ELF1: variants seen among roughly 807,000 people sequenced by gnomAD.
ELF1 encodes ETS-related transcription factor Elf-1.
Under a neutral mutation model 59.9 loss-of-function variants are expected in ELF1, and 24 were observed. The observed-to-expected ratio is 0.40, with a 90% CI of 0.29 to 0.56. The LOEUF (loss-of-function observed/expected upper bound fraction) is 0.56. ELF1 is among the 20% of genes least tolerant of loss of function. ELF1 has a pLI of 0.44. For synonymous variants in ELF1, 248 were observed against 266.2 expected, an observed-to-expected ratio of 0.93 and a Z score of 0.67; for missense variants, 627 against 742.2, an observed-to-expected ratio of 0.84 and a Z score of 1.80.
intron 5 of ELF1, among the ~76,000 whole-genome samples, chr13:40,945,830 T>C (rs1401717026): frequency 6.6e-6 from 1 of 152,220 alleles, no homozygotes; most frequent in African/African-American, 2.4e-5. Flanking sequence ...CCACACATGA[T>C]GTTTTCAATT....
intron 1 of ELF1, among the ~76,000 whole-genome samples, chr13:40,986,929 T>C (rs1873576680): frequency 9.8e-6 from 1 of 102,166 alleles, no homozygotes; most frequent in Non-Finnish European, 1.9e-5. Context: ...TTTTAGAAAA[T>C]CATTGCTCTT....
chr13:40,942,299 C>T (rs1354050224), intron 7 of ELF1, among the ~76,000 whole-genome samples: 1 of 152,114 alleles, frequency 6.6e-6, no homozygotes, highest in East Asian at 1.9e-4. Context: ...ATCTGTCTAT[C>T]CCCTAAAAGT....
chr13:41,034,942 T>A (rs144708832), intron 1 of ELF1, among the ~76,000 whole-genome samples: 2,437 of 152,348 alleles, frequency 0.016, 24 homozygotes, highest in Middle Eastern at 0.027. Context: ...TCTGAACTTG[T>A]TAGTTCAGAG....
intron 1 of ELF1, among the ~76,000 whole-genome samples, chr13:40,996,085 C>CA (rs1874113186): frequency 6.6e-6 from 1 of 152,156 alleles, no homozygotes; most frequent in Admixed American, 6.5e-5. Flanking sequence ...CACCATATGT[C>CA]ACTGGGGAAA....
intron 2 of ELF1, among the ~76,000 whole-genome samples, chr13:40,964,824 C>G (rs922957718): frequency 6.6e-6 from 1 of 152,050 alleles, no homozygotes; most frequent in Admixed American, 6.5e-5. Context: ...TGTGAGCCAC[C>G]GCACCCAGCC....
intron 1 of ELF1, among the ~76,000 whole-genome samples, chr13:41,002,764 C>T (rs1276851342): frequency 6.6e-6 from 1 of 152,082 alleles, no homozygotes; most frequent in Non-Finnish European, 1.5e-5. Context: ...CAGGCGCTTA[C>T]AATCTATCAA....
chr13:41,030,101 G>A (rs1482893472), intron 1 of ELF1, among the ~76,000 whole-genome samples: 5 of 151,606 alleles, frequency 3.3e-5, no homozygotes. Flanking sequence ...TAATATTAAA[G>A]CTATAGGTTA....
At chr13:41,029,115 C>T (rs1344544822) in intron 1 of ELF1, among the ~76,000 whole-genome samples, 1 of 152,184 alleles carries the variant, frequency 6.6e-6, no homozygotes, top group East Asian at 1.9e-4. Context: ...GCTTTACCTC[C>T]TCTTCTGAGG....
chr13:41,058,247 C>G (rs898938176), intron 1 of ELF1, among the ~76,000 whole-genome samples: 1 of 152,178 alleles, frequency 6.6e-6, no homozygotes, highest in Non-Finnish European at 1.5e-5. Flanking sequence ...TCTACATTCC[C>G]AGCTTGATCT....
At chr13:41,044,587 G>A (rs1303438210) in intron 1 of ELF1, among the ~76,000 whole-genome samples, 4 of 152,110 alleles carry the variant, frequency 2.6e-5, no homozygotes, top group Non-Finnish European at 5.9e-5. Flanking sequence ...TTATATGATG[G>A]ATTACGTTTA....
intron 1 of ELF1, among the ~76,000 whole-genome samples, chr13:41,048,072 A>C (rs1046062000): frequency 6.6e-6 from 1 of 152,198 alleles, no homozygotes; most frequent in East Asian, 1.9e-4. Context: ...GAGGCCCTCC[A>C]AGCCAGGTAC....
intron 1 of ELF1, among the ~76,000 whole-genome samples, chr13:41,028,276 T>C (rs1162646191): frequency 1.3e-5 from 2 of 152,180 alleles, no homozygotes; most frequent in African/African-American, 4.8e-5. Context: ...GCTGGACTAC[T>C]AACTCACAGT....
At chr13:41,004,016 T>C (rs997974732) in intron 1 of ELF1, among the ~76,000 whole-genome samples, 2 of 152,124 alleles carry the variant, frequency 1.3e-5, no homozygotes, top group Non-Finnish European at 2.9e-5. Flanking sequence ...CAGTTTATGA[T>C]TCTAGAAAAA....
chr13:41,001,657 T>A (rs145011160), intron 1 of ELF1, among the ~76,000 whole-genome samples: 15 of 152,328 alleles, frequency 9.8e-5, no homozygotes, highest in African/African-American at 3.6e-4. Flanking sequence ...CTCATAGGGC[T>A]TAGAATCTAG....
upstream of ELF1, among the ~76,000 whole-genome samples, chr13:41,023,015 GTTTA>G (rs1272565248): frequency 6.6e-6 from 1 of 152,116 alleles, no homozygotes; most frequent in South Asian, 2.1e-4. Context: ...CTGTGGGTAT[GTTTA>G]TTTATAAAAT....
chr13:41,011,245 G>A (rs2138364291), intron 1 of ELF1, among the ~76,000 whole-genome samples: 1 of 152,280 alleles, frequency 6.6e-6, no homozygotes, highest in Admixed American at 6.5e-5. Context: ...AGAAGTATTT[G>A]AATGTGGGAT....
intron 1 of ELF1, among the ~76,000 whole-genome samples, chr13:40,986,934 G>GTT (rs1555276209): frequency 1.3e-3 from 15 of 11,602 alleles, no homozygotes; most frequent in African/African-American, 3.0e-3. Flanking sequence ...GAAAATCATT[G>GTT]CTCTTTTTTT....
intron 3 of ELF1, among the ~76,000 whole-genome samples, chr13:40,953,686 A>G (rs1236218238): frequency 2.6e-5 from 4 of 152,244 alleles, no homozygotes; most frequent in African/African-American, 9.6e-5. Flanking sequence ...TAACACGTGT[A>G]AGAACAAAAA....
chr13:40,955,339 C>A (rs1215315404), intron 3 of ELF1, among the ~76,000 whole-genome samples: 1 of 145,562 alleles, frequency 6.9e-6, no homozygotes, highest in South Asian at 2.2e-4. Flanking sequence ...GGTTAGCCCC[C>A]CACCCGGCCA....
Sources: gnomAD v4.1 joint callset for allele counts (sites outside exome capture counted in the v4.1 genomes callset) on GRCh38, gnomAD v4.1.1 for gene constraint, MANE v1.5 for transcripts, NCBI Gene and HGNC (gene_info 2026-07-23, HGNC 2026-07-21) for gene names.